Variants in LRP1B observed in about 807,000 individuals in gnomAD.
LRP1B encodes the protein LDL receptor related protein 1B, also known as low-density lipoprotein receptor-related protein 1B.
A neutral mutation model predicts 556.6 loss-of-function variants in LRP1B; 217 were observed. That is an observed-to-expected ratio of 0.39 (90% CI 0.35 to 0.44). The LOEUF (loss-of-function observed/expected upper bound fraction) is 0.44, where lower values mean the gene tolerates loss of function less well. LRP1B is among the 20% of genes least tolerant of loss of function. The probability of loss-of-function intolerance (pLI) is 1.00; values close to 1 mark genes in which losing one functional copy is unlikely to be tolerated. For synonymous variants in LRP1B, 2,047 were observed against 1,865.8 expected (o/e 1.10, Z -2.50); for missense variants, 5,053 against 5,620.8 (o/e 0.90, Z 3.23).
At chr2:141,956,192 A>G (rs1475889892) in intron 1 of LRP1B, among the ~76,000 whole-genome samples, 1 of 152,108 alleles carries the variant, frequency 6.6e-6, no homozygotes, top group Non-Finnish European at 1.5e-5. Context: ...CTCCACAGGT[A>G]TTGCACCTAT....
At chr2:140,299,393 GGTGA>G in intron 83 of LRP1B, among the ~76,000 whole-genome samples, 1 of 152,106 alleles carries the variant, frequency 6.6e-6, no homozygotes, top group South Asian at 2.1e-4. Flanking sequence ...ACATTTTTAT[GGTGA>G]GTAATATTTC....
At chr2:140,587,001 A>G (rs1000027888) in intron 43 of LRP1B, among the ~76,000 whole-genome samples, 2 of 152,156 alleles carry the variant, frequency 1.3e-5, no homozygotes, top group Non-Finnish European at 2.9e-5. Context: ...ATCTCAGTAA[A>G]AAAAATAGAA....
intron 18 of LRP1B, among the ~76,000 whole-genome samples, chr2:140,972,951 TATATATATAC>T (rs1343433212): frequency 4.1e-5 from 6 of 148,142 alleles, no homozygotes; most frequent in Middle Eastern, 3.6e-3. Flanking sequence ...TTGATATATA[TATATATATAC>T]ATATAATACA....
intron 2 of LRP1B, among the ~76,000 whole-genome samples, chr2:141,538,231 A>G (rs1287154340): frequency 6.6e-6 from 1 of 152,132 alleles, no homozygotes; most frequent in Non-Finnish European, 1.5e-5. Context: ...AGAGAATTCC[A>G]AAGATGTTTA....
At chr2:141,789,969 T>C (rs1399594026) in intron 2 of LRP1B, among the ~76,000 whole-genome samples, 1 of 151,902 alleles carries the variant, frequency 6.6e-6, no homozygotes, top group Non-Finnish European at 1.5e-5. Flanking sequence ...CTATAGTCCC[T>C]GAAGTTGAAT....
intron 3 of LRP1B, among the ~76,000 whole-genome samples, chr2:141,308,056 A>G (rs2105443440): frequency 6.6e-6 from 1 of 152,310 alleles, no homozygotes; most frequent in South Asian, 2.1e-4. Flanking sequence ...CTTCAGAAGA[A>G]GTGCTTATGT....
chr2:140,412,636 G>A (rs185279572), intron 66 of LRP1B, among the ~76,000 whole-genome samples: 3 of 152,072 alleles, frequency 2.0e-5, no homozygotes, highest in South Asian at 2.1e-4. Context: ...TTTTGAGAAC[G>A]TAATTGTACA....
chr2:141,668,839 G>T (rs1690550671), intron 2 of LRP1B, among the ~76,000 whole-genome samples: 1 of 152,138 alleles, frequency 6.6e-6, no homozygotes, highest in South Asian at 2.1e-4. Flanking sequence ...GCATCCACCT[G>T]TAGATGCTAC....
Position 140,702,549 on chromosome 2 carries a change from A to C in LRP1B, c.6028T>G (p.Leu2010Val). The C allele has an allele frequency of 6.2e-7, 1 of 1,613,010 alleles. No homozygotes were observed. Among genetic ancestry groups the C allele is most frequent in the Non-Finnish European group, 8.5e-7 (1 of 1,179,336 alleles). ...ATTTGTCCCCATTCAGTCCAGAACAAGAGGCTGAAATTAAATTGTTAATTT... is the reference window on the plus strand; with the variant it reads ...ATTTGTCCCCATTCAGTCCAGAACACGAGGCTGAAATTAAATTGTTAATTT... ...SIAVHPEKGL[L>V]FWTEWGQMPC... is the part of the protein sequence containing the mutation. The change falls in exon 38 of 91, where the codon TTG (leucine) becomes GTG (valine). Residue 2010 changes from leucine to valine, a missense_variant. This residue lies in a region of LRP1B where 3,619 missense variants were observed against 3,931.9 expected (regional missense o/e 0.92). Transcript: ENST00000389484.
intron 87 of LRP1B, among the ~76,000 whole-genome samples, chr2:140,241,911 TAG>T (rs914767448): frequency 6.6e-6 from 1 of 150,936 alleles, no homozygotes; most frequent in Non-Finnish European, 1.5e-5. Context: ...CTGAAAAACA[TAG>T]ACTCTGTACT....
At chr2:140,638,893 T>C (rs1684172225) in intron 41 of LRP1B, among the ~76,000 whole-genome samples, 1 of 151,812 alleles carries the variant, frequency 6.6e-6, no homozygotes, top group Non-Finnish European at 1.5e-5. Context: ...TATATATAAA[T>C]ATGAACAATT....
chr2:141,017,493 G>A (rs1291710419), intron 12 of LRP1B, among the ~76,000 whole-genome samples: 1 of 151,358 alleles, frequency 6.6e-6, no homozygotes, highest in Non-Finnish European at 1.5e-5. Context: ...ACACGAGACA[G>A]AGATAAATCT....
intron 63 of LRP1B, among the ~76,000 whole-genome samples, chr2:140,446,525 T>C (rs961295963): frequency 3.9e-5 from 6 of 152,230 alleles, no homozygotes; most frequent in Non-Finnish European, 5.9e-5. Context: ...GTATTGATGA[T>C]GCATCTACCC....
At chr2:142,100,914 G>C (rs928379625) in intron 1 of LRP1B, among the ~76,000 whole-genome samples, 23 of 151,938 alleles carry the variant, frequency 1.5e-4, no homozygotes, top group African/African-American at 5.3e-4. Flanking sequence ...GGAACTCAAA[G>C]ATGAAGGGAG....
At chr2:140,522,552 G>GAA in intron 49 of LRP1B, among the ~76,000 whole-genome samples, 1 of 151,290 alleles carries the variant, frequency 6.6e-6, no homozygotes, top group East Asian at 1.9e-4. Flanking sequence ...GTCAACAGAA[G>GAA]AAAAAAACTA....
rs138541397 is a variant in LRP1B, at chr2:140,770,981, A to G, written c.5526T>C (p.Asn1842=). 3 of 1,583,542 alleles carry G rather than the reference A, an allele frequency of 1.9e-6. No individual in the cohort carries two copies. Among genetic ancestry groups the G allele is most frequent in the Non-Finnish European group, 2.6e-6 (3 of 1,168,092 alleles). Reference sequence around the variant, plus strand: ...GTAAACAAAGTTGAGAGCATCCACCATTGTTTAGTTGGCAGGAATTGCTGC... The same window carrying G: ...GTAAACAAAGTTGAGAGCATCCACCGTTGTTTAGTTGGCAGGAATTGCTGC... ...QQGSNSCQLN[N]GGCSQLCLPT... The change falls in exon 34 of 91, where the codon AAT becomes AAC. Residue 1842 remains asparagine (N), a synonymous_variant. Coordinates refer to ENST00000389484, the MANE Select transcript of LRP1B (RefSeq NM_018557.3).
intron 3 of LRP1B, among the ~76,000 whole-genome samples, chr2:141,430,982 AG>A (rs200209720): frequency 4.6e-5 from 7 of 151,586 alleles, no homozygotes; most frequent in African/African-American, 1.7e-4. Flanking sequence ...AAAAATTAAA[AG>A]AAAATTAGCC....
chr2:141,064,777 T>C (rs941636580), intron 7 of LRP1B, among the ~76,000 whole-genome samples: 1 of 151,988 alleles, frequency 6.6e-6, no homozygotes, highest in Non-Finnish European at 1.5e-5. Flanking sequence ...GGGCATTCTT[T>C]AGTGGAGGCA....
chr2:141,293,683 T>C (rs563166294), intron 3 of LRP1B, among the ~76,000 whole-genome samples: 1 of 152,112 alleles, frequency 6.6e-6, no homozygotes, highest in Non-Finnish European at 1.5e-5. Flanking sequence ...TTGGTATATA[T>C]GTTATTTAAA....
Sources: allele counts gnomAD v4.1 joint callset (sites outside exome capture counted in the v4.1 genomes callset), GRCh38; gene constraint gnomAD v4.1.1; regional missense constraint gnomAD v4.1.1; transcripts MANE v1.5; gene names NCBI Gene and HGNC (gene_info 2026-07-23, HGNC 2026-07-21).